The following SEC14L1 variants were observed in gnomAD, a reference collection of about 807,000 sequenced individuals.
The protein encoded by SEC14L1 is SEC14 like lipid binding 1, also known as SEC14-like protein 1.
In SEC14L1, 48 loss-of-function variants were observed where a neutral mutation model predicts 85.3. The ratio of observed to expected loss-of-function variants is 0.56; its 90% CI spans 0.45 to 0.72. SEC14L1 has a LOEUF of 0.72. SEC14L1 is among the 30% of genes least tolerant of loss of function. The pLI is 0.00. For synonymous variants in SEC14L1, 391 were observed against 355.5 expected (o/e 1.10, Z -1.12); for missense variants, 682 against 921.4 (o/e 0.74, Z 3.36).
At chr17:77,165,361 C>T (rs1598330748) in intron 3 of SEC14L1, among the ~76,000 whole-genome samples, 1 of 152,100 alleles carries the variant, frequency 6.6e-6, no homozygotes, top group Non-Finnish European at 1.5e-5. Flanking sequence ...CTTGGTTTTA[C>T]TTATTGTAGG....
chr17:77,117,227 G>A (rs888148037), intron 3 of SEC14L1, among the ~76,000 whole-genome samples: 15 of 152,102 alleles, frequency 9.9e-5, no homozygotes, highest in African/African-American at 3.1e-4. Flanking sequence ...CATGCCTATA[G>A]TCCCAGCTAC....
intron 3 of SEC14L1, among the ~76,000 whole-genome samples, chr17:77,188,494 T>A (rs145430341): frequency 4.5e-4 from 69 of 152,202 alleles, no homozygotes; most frequent in Admixed American, 1.0e-3. Flanking sequence ...TCTTTTTTTT[T>A]GCTGAGTAGT....
chr17:77,150,082 C>G (rs1304628312), intron 3 of SEC14L1, among the ~76,000 whole-genome samples: 1 of 152,094 alleles, frequency 6.6e-6, no homozygotes, highest in East Asian at 1.9e-4. Flanking sequence ...TTAAATGGCC[C>G]GAGTACAAAA....
Position 77,214,021 on chromosome 17 carries a change from T to C in SEC14L1, c.2146T>C (p.Ter716GlnextTer7), listed in dbSNP as rs769833979. ...QSHSSSMISR[*>Q] Reference sequence around the variant, plus strand: ...CCACTCCAGCTCCATGATCTCCAGGTAGTGCCGCGCTGCCTGCACCTAGTG... The same window carrying C: ...CCACTCCAGCTCCATGATCTCCAGGCAGTGCCGCGCTGCCTGCACCTAGTG... Residue 716 changes from the stop codon to glutamine (Q), a stop_lost, in exon 17 of 17, where the codon TAG becomes CAG. Coordinates refer to ENST00000436233, the MANE Select transcript of SEC14L1 (RefSeq NM_001143998.2). 1 of 1,612,196 alleles carries C rather than the reference T, an allele frequency of 6.2e-7. No homozygotes were observed. The highest frequency in any genetic ancestry group is 1.3e-5 in the African/African-American group (1 of 74,962).
Position 77,122,154 on chromosome 17 carries a change from C to T in SEC14L1, c.-135-20492C>T, listed in dbSNP as rs1972315595. On this transcript the variant is annotated intron_variant, in intron 3 of 19. Coordinates refer to the SEC14L1 transcript ENST00000392476. ...TTGTGCTATTTGAATTTTTTACACA[C>T]AGTAGGTGGATTGCTTCTGTTATCA... is the stretch of plus-strand genomic sequence containing the variant. Among the ~76,000 whole-genome samples, 4 of 152,314 alleles carry T rather than the reference C, an allele frequency of 2.6e-5. 1 individual carries two copies. Among genetic ancestry groups the T allele is most frequent in the African/African-American group, 7.2e-5 (3 of 41,562 alleles).
At chr17:77,200,452 C>T in intron 8 of SEC14L1, 32 bp from the exon 9 acceptor site, 1 of 1,589,870 alleles carries the variant, frequency 6.3e-7, no homozygotes, top group Non-Finnish European at 8.6e-7. Flanking sequence ...CAACTTTTAA[C>T]ATTGCTTAGA....
chr17:77,201,735 C>A (rs996087183), intron 9 of SEC14L1, among the ~76,000 whole-genome samples: 1 of 152,198 alleles, frequency 6.6e-6, no homozygotes, highest in African/African-American at 2.4e-5. Context: ...AGGCGTGAGC[C>A]ATTGCGCCCG....
Position 77,206,896 on chromosome 17 carries a change from C to A in SEC14L1, c.1476+34C>A. ...TGAGGCGAGGAACTGCACATTTGGC[C>A]CCTTATGCAGGTGGGAGAGGTCGGT... is the stretch of plus-strand genomic sequence containing the variant. On this transcript the variant is annotated intron_variant, in intron 13 of 16. Coordinates refer to ENST00000436233, the MANE Select transcript of SEC14L1 (RefSeq NM_001143998.2). The surrounding 1 kb of genome is among the most constrained non-coding windows in gnomAD (Gnocchi z 4.3). 2 of 1,477,052 alleles carry A rather than the reference C, an allele frequency of 1.4e-6. No individual in the cohort carries two copies. The highest frequency in any genetic ancestry group is 1.5e-5 in the South Asian group (1 of 68,792). The allele number at this position is 1,477,052 out of a possible 1,614,324, so 91.5% of individuals were successfully genotyped here. A position where few individuals can be genotyped will look rare whatever the true frequency, so the allele number is the denominator to read the frequency against.
At chr17:77,116,083 G>A (rs990548234) in intron 3 of SEC14L1, among the ~76,000 whole-genome samples, 2 of 151,798 alleles carry the variant, frequency 1.3e-5, no homozygotes, top group African/African-American at 4.8e-5. Context: ...CAGGTTCAGC[G>A]AATTTTTATT....
chr17:77,164,250 G>A (rs1333346707), intron 3 of SEC14L1, among the ~76,000 whole-genome samples: 1 of 152,202 alleles, frequency 6.6e-6, no homozygotes, highest in Non-Finnish European at 1.5e-5. Flanking sequence ...TCAGCCCACG[G>A]CGCTCAGGCA....
rs117316511 is a variant in SEC14L1, at chr17:77,171,371, G to A, written c.64-19432G>A. Among the ~76,000 whole-genome samples, 1,027 of 152,250 alleles carry A rather than the reference G, an allele frequency of 6.7e-3. 13 individuals carry two copies. The highest frequency in any genetic ancestry group is 0.025 in the South Asian group (123 of 4,828). On this transcript the variant is annotated intron_variant, in intron 3 of 16. Coordinates refer to ENST00000436233, the MANE Select transcript of SEC14L1 (RefSeq NM_001143998.2). ...TTTCTTGTTTGTTATGGGAAAAGAC[G>A]GGGACTGTGGCTGGGGGAGGGAGAC...
At chr17:77,200,748 T>C (rs1462875099) in intron 9 of SEC14L1, 75 bp downstream of exon 9, 2 of 1,463,624 alleles carry the variant, frequency 1.4e-6, no homozygotes, top group African/African-American at 2.8e-5. Context: ...AAGGCCTCCT[T>C]CCCTGGAGTT....
At chr17:77,171,538 A>G (rs1229567617) in intron 3 of SEC14L1, among the ~76,000 whole-genome samples, 1 of 152,196 alleles carries the variant, frequency 6.6e-6, no homozygotes, top group Non-Finnish European at 1.5e-5. Context: ...TGTTCTGGCA[A>G]CTATAGATTT....
intron 3 of SEC14L1, among the ~76,000 whole-genome samples, chr17:77,113,703 G>A (rs1039657556): frequency 2.0e-5 from 3 of 152,010 alleles, no homozygotes; most frequent in South Asian, 2.1e-4. Flanking sequence ...CCGAAATTGC[G>A]CCACTGCACT....
intron 5 of SEC14L1, 63 bp downstream of exon 5, chr17:77,191,375 A>G (rs1243118603): frequency 4.4e-6 from 7 of 1,585,348 alleles, no homozygotes; most frequent in Non-Finnish European, 6.1e-6. Flanking sequence ...GGATTGTTTG[A>G]TCACCATTTT....
chr17:77,195,492 T>A (rs934004729), intron 7 of SEC14L1, among the ~76,000 whole-genome samples: 9 of 152,194 alleles, frequency 5.9e-5, no homozygotes, highest in African/African-American at 2.2e-4. Context: ...CTAATTTTTT[T>A]ATTTTTTTAT....
chr17:77,092,298 G>T (rs1971536428), intron 2 of SEC14L1, among the ~76,000 whole-genome samples: 1 of 152,162 alleles, frequency 6.6e-6, no homozygotes, highest in Admixed American at 6.5e-5. Flanking sequence ...ATAAAGAAAA[G>T]TATGGTCCCT....
chr17:77,160,019 T>A lies in SEC14L1; in HGVS notation c.63+16360T>A, dbSNP rs547322591. On this transcript the variant is annotated intron_variant, in intron 3 of 16. Coordinates refer to ENST00000436233, the MANE Select transcript of SEC14L1 (RefSeq NM_001143998.2). ...TTTTCTTTGTTCTTCAGAGTGTGAT[T>A]TAAATTTTAAGTGCTTCAAGGTCTA... Among the ~76,000 whole-genome samples the A allele has an allele frequency of 2.0e-5, 3 of 152,324 alleles. No homozygotes were observed. In the East Asian group the frequency reaches 5.8e-4, roughly 29 times the overall value.
Position 77,216,871 on chromosome 17 carries a change from C to G in SEC14L1, c.*2848C>G. 1 of 333,208 alleles carries G rather than the reference C, an allele frequency of 3.0e-6. No homozygotes were observed. Among genetic ancestry groups the G allele is most frequent in the South Asian group, 5.0e-5 (1 of 20,158 alleles). The allele number at this position is 333,208 out of a possible 1,614,324, so 20.6% of individuals were successfully genotyped here. On this transcript the variant is annotated 3_prime_UTR_variant, in exon 17 of 17. Transcript: ENST00000436233. ...TGCATCGTGTTTCTACCTTTAGTAC[C>G]TTGCCACTCTTTTAAAACGCTGCTG...
Sources: allele counts gnomAD v4.1 joint callset (sites outside exome capture counted in the v4.1 genomes callset), GRCh38; gene constraint gnomAD v4.1.1; non-coding constraint Gnocchi (gnomAD v3.1); transcripts MANE v1.5; gene names NCBI Gene and HGNC (gene_info 2026-07-23, HGNC 2026-07-21).